LPIN1: variants seen among roughly 807,000 people sequenced by gnomAD.
LPIN1 encodes lipin 1, also known as phosphatidate phosphatase LPIN1.
In LPIN1, 71 loss-of-function variants were observed where a neutral mutation model predicts 107.5. The observed-to-expected ratio is 0.66, with a 90% CI of 0.55 to 0.80. The LOEUF is 0.80. Among genes scored for constraint, LPIN1 ranks in the 30% least tolerant of loss-of-function variants. LPIN1 has a pLI of 0.00. For synonymous variants in LPIN1, 445 were observed against 452.6 expected, an observed-to-expected ratio of 0.98 and a Z score of 0.21; for missense variants, 1,043 against 1,160.6, an observed-to-expected ratio of 0.90 and a Z score of 1.47.
chr2:11,739,525 A>G (rs893353985), intron 1 of LPIN1, among the ~76,000 whole-genome samples: 57 of 152,268 alleles, frequency 3.7e-4, no homozygotes, highest in African/African-American at 1.4e-3. Flanking sequence ...GAATTGCCTC[A>G]AAGAGGTGAC....
Position 11,820,443 on chromosome 2 carries a change from T to C in LPIN1, c.2550T>C (p.Ser850=). Residue 850 remains serine, a synonymous_variant, in exon 20 of 21, where the codon TCT becomes TCC. Transcript: ENST00000674199. ...DVYSYKQVGV[S]LNRIFTVNPK... Reference sequence around the variant, plus strand: ...ATTCATACAAGCAAGTAGGAGTGTCTTTGAATAGAATATTTACCGTCAACC... The same window carrying C: ...ATTCATACAAGCAAGTAGGAGTGTCCTTGAATAGAATATTTACCGTCAACC... 6.2e-7 allele frequency: 1 copy of C among 1,613,508 alleles called. No homozygotes were observed. The highest frequency in any genetic ancestry group is 8.5e-7 in the Non-Finnish European group (1 of 1,179,418).
chr2:11,785,929 A>G (rs982020980), intron 10 of LPIN1, among the ~76,000 whole-genome samples: 1 of 152,164 alleles, frequency 6.6e-6, no homozygotes, highest in Admixed American at 6.5e-5. Flanking sequence ...CGCCGGCTCC[A>G]TTCATTCACT....
chr2:11,741,122 G>A (rs1264712513), intron 1 of LPIN1: 1 of 392,276 alleles, frequency 2.5e-6, no homozygotes, highest in Non-Finnish European at 4.5e-6. Context: ...AGCACAAATG[G>A]GAGGCCCTGT....
chr2:11,772,972 G>A (rs530332583), intron 4 of LPIN1, among the ~76,000 whole-genome samples: 1 of 152,210 alleles, frequency 6.6e-6, no homozygotes, highest in African/African-American at 2.4e-5. Context: ...AGCGTCATTG[G>A]GCTTCTTATA....
chr2:11,802,604 C>T (rs1677951648), intron 14 of LPIN1, among the ~76,000 whole-genome samples: 1 of 152,050 alleles, frequency 6.6e-6, no homozygotes, highest in African/African-American at 2.4e-5. Context: ...CTTCCTAGGC[C>T]AAGAGGGAGT....
chr2:11,814,944 A>G (rs1680317668), intron 17 of LPIN1, 144 bp from the exon 18 acceptor site: 1 of 753,284 alleles, frequency 1.3e-6, no homozygotes, highest in Non-Finnish European at 2.3e-6. Flanking sequence ...ATTGCAAGCA[A>G]GATTTTGTAG....
chr2:11,767,677 T>A (rs1202894516), intron 2 of LPIN1, 86 bp from the exon 3 acceptor site: 3 of 822,908 alleles, frequency 3.6e-6, no homozygotes, highest in Non-Finnish European at 6.5e-6. Context: ...GATGATAGCG[T>A]ATCTGTGGAG....
chr2:11,736,680 T>C (rs1665824876), intron 1 of LPIN1, among the ~76,000 whole-genome samples: 1 of 152,256 alleles, frequency 6.6e-6, no homozygotes, highest in African/African-American at 2.4e-5. Flanking sequence ...GCTATGACCT[T>C]GCCAATGATT....
intron 1 of LPIN1, among the ~76,000 whole-genome samples, chr2:11,729,146 C>T (rs767148608): frequency 1.3e-5 from 2 of 152,050 alleles, no homozygotes; most frequent in Non-Finnish European, 2.9e-5. Flanking sequence ...CAGGGCCTGT[C>T]GGGGAACGGG....
intron 1 of LPIN1, among the ~76,000 whole-genome samples, chr2:11,729,964 G>A (rs7572205): frequency 0.22 from 33,820 of 151,920 alleles, 3,908 homozygotes; most frequent in African/African-American, 0.3. Flanking sequence ...CTTGGTGTCT[G>A]TAATTAATTT....
intron 17 of LPIN1, among the ~76,000 whole-genome samples, chr2:11,812,334 C>T (rs190440133): frequency 1.3e-5 from 2 of 152,070 alleles, no homozygotes; most frequent in African/African-American, 2.4e-5. Context: ...GAGATACAGT[C>T]GAATGAAGGA....
At chr2:11,701,826 C>T (rs1421893602) in intron 1 of LPIN1, among the ~76,000 whole-genome samples, 1 of 152,186 alleles carries the variant, frequency 6.6e-6, no homozygotes, top group East Asian at 1.9e-4. Context: ...CTGGTATTAT[C>T]CGTGGGTGTA....
chr2:11,774,748 G>A lies in LPIN1; in HGVS notation c.722+1003G>A, dbSNP rs1464060856. Among the ~76,000 whole-genome samples, 1 of 152,074 alleles carries A rather than the reference G, an allele frequency of 6.6e-6. No homozygotes were observed. Among genetic ancestry groups the A allele is most frequent in the Non-Finnish European group, 1.5e-5 (1 of 68,018 alleles). ...TAGCAAGCAGCAGTCCCCAGTGTGT[G>A]CTGACATGGAGGTTGGAGAGAAAAT... On this transcript the variant is annotated intron_variant, in intron 5 of 20. Coordinates refer to ENST00000674199, the MANE Select transcript of LPIN1 (RefSeq NM_001349206.2). The surrounding 1 kb of genome is among the most constrained non-coding windows in gnomAD (Gnocchi z 4.4).
intron 7 of LPIN1, among the ~76,000 whole-genome samples, chr2:11,780,267 A>T (rs921222905): frequency 5.3e-5 from 8 of 152,246 alleles, no homozygotes; most frequent in Non-Finnish European, 7.3e-5. Context: ...GAAACTGTAA[A>T]CAAAAATAGC....
intron 1 of LPIN1, among the ~76,000 whole-genome samples, chr2:11,759,851 G>T (rs1288913898): frequency 8.2e-6 from 1 of 122,572 alleles, no homozygotes; most frequent in Non-Finnish European, 1.8e-5. Context: ...GCGGCTGGCC[G>T]GGCGGGGGCT....
chr2:11,792,512 AGCTG>A (rs1675946701), intron 13 of LPIN1, among the ~76,000 whole-genome samples: 1 of 151,874 alleles, frequency 6.6e-6, no homozygotes, highest in Admixed American at 6.6e-5. Context: ...CCTCTAGAAT[AGCTG>A]GGATTACAGC....
At chr2:11,785,156 G>C (rs1674329651) in intron 10 of LPIN1, 80 bp downstream of exon 10, 2 of 1,100,424 alleles carry the variant, frequency 1.8e-6, no homozygotes, top group African/African-American at 1.6e-5. Flanking sequence ...CAAGGAGTGC[G>C]TGTCAAGGCA....
chr2:11,742,374 T>C (rs904746937), upstream of LPIN1, among the ~76,000 whole-genome samples: 1 of 152,232 alleles, frequency 6.6e-6, no homozygotes, highest in African/African-American at 2.4e-5. Flanking sequence ...TTAAGGGTTT[T>C]CTACTTCTGA....
intron 1 of LPIN1, among the ~76,000 whole-genome samples, chr2:11,693,134 C>T (rs1048973932): frequency 2.6e-5 from 4 of 151,652 alleles, no homozygotes; most frequent in African/African-American, 9.7e-5. Flanking sequence ...GCGGGGCACT[C>T]GTCCTCAAGG....
Sources: allele counts gnomAD v4.1 joint callset (sites outside exome capture counted in the v4.1 genomes callset), GRCh38; gene constraint gnomAD v4.1.1; non-coding constraint Gnocchi (gnomAD v3.1); transcripts MANE v1.5; gene names NCBI Gene and HGNC (gene_info 2026-07-23, HGNC 2026-07-21).